CTNNBIP1: variants seen among roughly 807,000 people sequenced by gnomAD.
The protein encoded by CTNNBIP1 is beta-catenin-interacting protein 1.
A neutral mutation model predicts 11.8 loss-of-function variants in CTNNBIP1; 7 were observed. The ratio of observed to expected loss-of-function variants is 0.60; its 90% CI spans 0.34 to 1.12. CTNNBIP1 has a LOEUF of 1.12. Ranked by LOEUF, CTNNBIP1 falls within the 50% of genes most tolerant of loss-of-function variation. CTNNBIP1 has a pLI of 0.03. For synonymous variants in CTNNBIP1, 58 were observed against 43.9 expected (o/e 1.32, Z -1.26); for missense variants, 101 against 113.4 (o/e 0.89, Z 0.50).
At position 9,894,527 on chromosome 1, in the gene CTNNBIP1, T is replaced by C. The variant is rs117375597; in HGVS notation, c.-143-10789A>G. ...TGCACAACCACACTCGACTGCTTTT[T>C]TTTTTTCTTTTCTTTTGTGAGACAG... is the stretch of plus-strand genomic sequence containing the variant. On this transcript the variant is annotated intron_variant, in intron 1 of 5. Transcript: ENST00000377263. 1.3e-3 allele frequency among the ~76,000 whole-genome samples: 193 copies of C among 151,876 alleles called. 1 individual carries two copies. In the East Asian group the frequency reaches 0.035, roughly 28 times the overall value.
chr1:9,863,278 T>C (rs1178931675), intron 5 of CTNNBIP1, among the ~76,000 whole-genome samples: 2 of 152,256 alleles, frequency 1.3e-5, no homozygotes, highest in Non-Finnish European at 1.5e-5. Context: ...TAGGTGATTT[T>C]TGGTTTAATT....
chr1:9,905,214 T>C (rs1193471528), intron 1 of CTNNBIP1, among the ~76,000 whole-genome samples: 1 of 152,122 alleles, frequency 6.6e-6, no homozygotes, highest in Non-Finnish European at 1.5e-5. Flanking sequence ...AGCCACAAAT[T>C]TGGCCCCTGC....
intron 3 of CTNNBIP1, among the ~76,000 whole-genome samples, chr1:9,875,479 G>A (rs886797755): frequency 2.6e-5 from 4 of 152,206 alleles, no homozygotes; most frequent in Non-Finnish European, 4.4e-5. Flanking sequence ...GTGCCGCCCC[G>A]TCTTCCCGGC....
chr1:9,888,541 G>C (rs1416351694), intron 1 of CTNNBIP1, among the ~76,000 whole-genome samples: 1 of 150,584 alleles, frequency 6.6e-6, no homozygotes, highest in Non-Finnish European at 1.5e-5. Flanking sequence ...GACAGAGCAA[G>C]ACTGCCTCAA....
chr1:9,906,286 G>C (rs538984889), intron 1 of CTNNBIP1, among the ~76,000 whole-genome samples: 1 of 152,292 alleles, frequency 6.6e-6, no homozygotes, highest in East Asian at 1.9e-4. Context: ...GGCCAGGCAC[G>C]GTGGCTCACG....
chr1:9,909,460 T>G (rs1639686516), intron 1 of CTNNBIP1, among the ~76,000 whole-genome samples: 1 of 151,974 alleles, frequency 6.6e-6, no homozygotes, highest in South Asian at 2.1e-4. Flanking sequence ...AGAGGCTGGG[T>G]GTCCAGACCT....
chr1:9,903,664 G>A (rs931011922), intron 1 of CTNNBIP1, among the ~76,000 whole-genome samples: 7 of 152,160 alleles, frequency 4.6e-5, no homozygotes, highest in African/African-American at 1.7e-4. Context: ...GAAGGTACAA[G>A]TATCATTATC....
chr1:9,869,722 C>T (rs574476418), intron 5 of CTNNBIP1, among the ~76,000 whole-genome samples: 6 of 152,210 alleles, frequency 3.9e-5, no homozygotes, highest in Non-Finnish European at 7.4e-5. Flanking sequence ...TCTTACCATC[C>T]GAGCTCAAAT....
rs574176674 is a variant in CTNNBIP1, at chr1:9,892,416, C to T, written c.-143-8678G>A. The stretch of plus-strand genomic sequence containing the variant: ...CAGCCTGGGGGACAGAGCGAGACTC[C>T]GTCTAAAAAAAAAAAAAAAAAAAGA... On this transcript the variant is annotated intron_variant, in intron 1 of 5. Transcript: ENST00000377263. Among the ~76,000 whole-genome samples, 142 of 139,602 alleles carry T rather than the reference C, an allele frequency of 1.0e-3. 2 individuals carry two copies. The South Asian group carries it at 0.016, about 15-fold the overall frequency. 91.6% of individuals were successfully genotyped at this position (139,602 alleles called of 152,430 possible). A position where few individuals can be genotyped will look rare whatever the true frequency, so the allele number is the denominator to read the frequency against.
chr1:9,863,367 G>A (rs1448406548), intron 5 of CTNNBIP1, among the ~76,000 whole-genome samples: 2 of 152,310 alleles, frequency 1.3e-5, no homozygotes, highest in Admixed American at 1.3e-4. Context: ...TCATAGACTA[G>A]AATTCTCCCT....
intron 1 of CTNNBIP1, among the ~76,000 whole-genome samples, chr1:9,898,390 G>A (rs1204296641): frequency 6.6e-6 from 1 of 152,060 alleles, no homozygotes; most frequent in Non-Finnish European, 1.5e-5. Context: ...TGGGTGTGGT[G>A]GCAGGTGCCT....
chr1:9,882,647 G>A (rs1188629873), intron 2 of CTNNBIP1, among the ~76,000 whole-genome samples: 1 of 152,156 alleles, frequency 6.6e-6, no homozygotes. Context: ...CTGGGGTGGA[G>A]CAGCAGGAAG....
intron 3 of CTNNBIP1, among the ~76,000 whole-genome samples, chr1:9,873,138 G>A (rs1238017840): frequency 2.6e-5 from 4 of 152,140 alleles, no homozygotes; most frequent in African/African-American, 9.7e-5. Flanking sequence ...CTCCCTGTAG[G>A]TACTTGTCAA....
intron 5 of CTNNBIP1, among the ~76,000 whole-genome samples, chr1:9,866,947 C>T (rs1638759809): frequency 6.6e-6 from 1 of 151,976 alleles, no homozygotes; most frequent in Non-Finnish European, 1.5e-5. Context: ...AGAGAGGAGT[C>T]GAGGCTGAGT....
At chr1:9,866,403 T>G (rs964597672) in intron 5 of CTNNBIP1, among the ~76,000 whole-genome samples, 2 of 151,988 alleles carry the variant, frequency 1.3e-5, no homozygotes, top group African/African-American at 2.4e-5. Flanking sequence ...TGATTTTAAG[T>G]TGGGTGGAGG....
At chr1:9,865,445 A>G (rs1638723971) in intron 5 of CTNNBIP1, among the ~76,000 whole-genome samples, 1 of 151,944 alleles carries the variant, frequency 6.6e-6, no homozygotes, top group African/African-American at 2.4e-5. Context: ...CTAAAAAAAT[A>G]TATAAAAAAT....
intron 1 of CTNNBIP1, among the ~76,000 whole-genome samples, chr1:9,888,804 C>T (rs910039754): frequency 1.3e-5 from 2 of 152,164 alleles, no homozygotes; most frequent in Non-Finnish European, 2.9e-5. Flanking sequence ...CAGAGTAGCC[C>T]GCCTGTCCCC....
At chr1:9,901,899 G>A (rs1639529262) in intron 1 of CTNNBIP1, among the ~76,000 whole-genome samples, 1 of 152,222 alleles carries the variant, frequency 6.6e-6, no homozygotes, top group African/African-American at 2.4e-5. Context: ...ACAAGGATAT[G>A]CCTCGCTGTC....
intron 5 of CTNNBIP1, among the ~76,000 whole-genome samples, chr1:9,859,816 T>C (rs1028336169): frequency 1.3e-5 from 2 of 152,142 alleles, no homozygotes; most frequent in African/African-American, 2.4e-5. Context: ...AGCTCCTAAT[T>C]TGCAAACTTG....
Sources: gnomAD v4.1 joint callset for allele counts (sites outside exome capture counted in the v4.1 genomes callset) on GRCh38, gnomAD v4.1.1 for gene constraint, MANE v1.5 for transcripts, NCBI Gene and HGNC (gene_info 2026-07-23, HGNC 2026-07-21) for gene names.